The following PRDM5 variants were observed in gnomAD, a reference collection of about 807,000 sequenced individuals.
The protein encoded by PRDM5 is PR/SET domain 5.
PRDM5 carries 56 observed loss-of-function variants against 81.2 expected under a neutral mutation model. The ratio of observed to expected loss-of-function variants is 0.69; its 90% CI spans 0.56 to 0.86. PRDM5 has a LOEUF of 0.86. Among genes scored for constraint, PRDM5 ranks in the 40% least tolerant of loss-of-function variants. The pLI, the probability that PRDM5 is intolerant of heterozygous loss-of-function variation, is 0.00. For missense variants in PRDM5, 697 were observed against 770.1 expected, an observed-to-expected ratio of 0.91 and a Z score of 1.12; for synonymous variants, 267 against 256.4, an observed-to-expected ratio of 1.04 and a Z score of -0.39.
intron 4 of PRDM5, among the ~76,000 whole-genome samples, chr4:120,820,525 T>G (rs909534811): frequency 1.3e-5 from 2 of 152,168 alleles, no homozygotes; most frequent in Non-Finnish European, 2.9e-5. Flanking sequence ...CAATAATAAT[T>G]GATTATTCCC....
intron 5 of PRDM5, 149 bp from the exon 6 acceptor site, chr4:120,817,073 A>T (rs1754619657): frequency 1.5e-6 from 1 of 688,048 alleles, no homozygotes; most frequent in African/African-American, 1.8e-5. Context: ...GCAGTACCTT[A>T]ACTATAAGCT....
At chr4:120,750,294 C>G (rs1743792224) in intron 14 of PRDM5, among the ~76,000 whole-genome samples, 1 of 152,100 alleles carries the variant, frequency 6.6e-6, no homozygotes, top group Non-Finnish European at 1.5e-5. Context: ...CCAACTAATG[C>G]TAGAGCAGGG....
At chr4:120,886,898 C>A (rs1192115354) in intron 2 of PRDM5, among the ~76,000 whole-genome samples, 2 of 151,950 alleles carry the variant, frequency 1.3e-5, no homozygotes, top group African/African-American at 4.8e-5. Context: ...ACCTTCCACT[C>A]ATATAGCTTA....
chr4:120,881,093 T>A lies in PRDM5; in HGVS notation c.177+26381A>T, dbSNP rs72923548. On this transcript the variant is annotated intron_variant, in intron 2 of 15. Coordinates refer to ENST00000264808, the MANE Select transcript of PRDM5 (RefSeq NM_018699.4). ...TAAAAACATAATTATTGATTTGTAT[T>A]GAAAGTTTCAACAACCAGCTAGGTT... Among the ~76,000 whole-genome samples the A allele has an allele frequency of 1.6e-3, 248 of 152,344 alleles. 1 individual carries two copies. The highest frequency in any genetic ancestry group is 5.8e-3 in the African/African-American group (241 of 41,586).
At chr4:120,869,207 A>G (rs751082759) in intron 2 of PRDM5, among the ~76,000 whole-genome samples, 1 of 152,206 alleles carries the variant, frequency 6.6e-6, no homozygotes, top group Non-Finnish European at 1.5e-5. Flanking sequence ...CTGAGTAGTC[A>G]TTTATCATAG....
intron 13 of PRDM5, among the ~76,000 whole-genome samples, chr4:120,755,761 C>T (rs1172477446): frequency 2.6e-5 from 4 of 152,114 alleles, no homozygotes; most frequent in African/African-American, 7.2e-5. Context: ...TCAAGGCTGG[C>T]CCCATTGCAC....
intron 2 of PRDM5, among the ~76,000 whole-genome samples, chr4:120,888,904 G>T (rs1763753350): frequency 6.6e-6 from 1 of 152,052 alleles, no homozygotes; most frequent in Non-Finnish European, 1.5e-5. Context: ...TGACATCCTT[G>T]TTCAAGTATT....
chr4:120,687,226 T>C (rs1247134043), downstream of PRDM5, among the ~76,000 whole-genome samples: 9 of 152,126 alleles, frequency 5.9e-5, no homozygotes, highest in Non-Finnish European at 1.0e-4. Context: ...CATATTGCTG[T>C]GTAACAGACC....
At chr4:120,790,159 C>A (rs1404116653) in intron 10 of PRDM5, among the ~76,000 whole-genome samples, 3 of 152,204 alleles carry the variant, frequency 2.0e-5, no homozygotes, top group Non-Finnish European at 4.4e-5. Context: ...CTGCTTTGAA[C>A]AAACACATGA....
intron 1 of PRDM5, among the ~76,000 whole-genome samples, chr4:120,915,722 C>T (rs1724073233): frequency 6.6e-6 from 1 of 152,140 alleles, no homozygotes; most frequent in Non-Finnish European, 1.5e-5. Flanking sequence ...GGACTCCTAC[C>T]ACTGGGGAAG....
chr4:120,748,430 G>T (rs1418368544), intron 14 of PRDM5, among the ~76,000 whole-genome samples: 1 of 152,076 alleles, frequency 6.6e-6, no homozygotes, highest in South Asian at 2.1e-4. Flanking sequence ...GATCACCTAA[G>T]CCTAGGAGCT....
intron 3 of PRDM5, among the ~76,000 whole-genome samples, chr4:120,825,802 T>C (rs2008466): frequency 0.055 from 8,299 of 152,190 alleles, 338 homozygotes; most frequent in African/African-American, 0.12. Flanking sequence ...TCTTCCACTG[T>C]TAACATGTTA....
intron 14 of PRDM5, among the ~76,000 whole-genome samples, chr4:120,717,676 C>A (rs1578460675): frequency 1.3e-5 from 2 of 152,114 alleles, no homozygotes; most frequent in South Asian, 2.1e-4. Flanking sequence ...AGAGGTATGA[C>A]CCCATCAGAC....
At chr4:120,887,796 T>TCTG (rs1216924997) in intron 2 of PRDM5, among the ~76,000 whole-genome samples, 10 of 93,444 alleles carry the variant, frequency 1.1e-4, no homozygotes, top group Non-Finnish European at 1.6e-4. Context: ...CTTTTTTTTT[T>TCTG]TTTTTTTTTT....
rs562992430 is a variant in PRDM5 at position 120,865,103 on chromosome 4, A to AT, written c.178-11564dup. ...AACCAGGGCTTCTTCCCTTGATGTG[A>AT]TTTTCTTACACCATCAAGTGCCTGA... On this transcript the variant is annotated intron_variant, in intron 2 of 15. Coordinates refer to ENST00000264808, the MANE Select transcript of PRDM5 (RefSeq NM_018699.4). 7.2e-5 allele frequency among the ~76,000 whole-genome samples: 11 copies of AT among 152,264 alleles called. No individual in the cohort carries two copies. The South Asian group carries it at 2.3e-3, about 32-fold the overall frequency.
chr4:120,911,385 ACTGT>A (rs1766488002), intron 1 of PRDM5, among the ~76,000 whole-genome samples: 1 of 152,178 alleles, frequency 6.6e-6, no homozygotes, highest in African/African-American at 2.4e-5. Flanking sequence ...TACACACCAA[ACTGT>A]CTGAGTCAAA....
At chr4:120,782,580 A>G (rs1749191616) in intron 11 of PRDM5, among the ~76,000 whole-genome samples, 1 of 152,148 alleles carries the variant, frequency 6.6e-6, no homozygotes, top group Non-Finnish European at 1.5e-5. Context: ...TTAATGTCTG[A>G]AACAAAGTCA....
At chr4:120,784,922 T>C in intron 11 of PRDM5, 76 bp downstream of exon 11, 1 of 1,151,790 alleles carries the variant, frequency 8.7e-7, no homozygotes, top group Non-Finnish European at 1.3e-6. Flanking sequence ...CTCTGGGATG[T>C]CTACATTCTC....
intron 3 of PRDM5, among the ~76,000 whole-genome samples, chr4:120,832,951 TTAGA>T (rs1345931102): frequency 6.6e-6 from 1 of 152,094 alleles, no homozygotes; most frequent in African/African-American, 2.4e-5. Context: ...CAGAAACATA[TTAGA>T]TAGCTGAAAG....
Sources: gnomAD v4.1 joint callset for allele counts (sites outside exome capture counted in the v4.1 genomes callset) on GRCh38, gnomAD v4.1.1 for gene constraint, MANE v1.5 for transcripts, NCBI Gene and HGNC (gene_info 2026-07-23, HGNC 2026-07-21) for gene names.